The following TANC2 variants were observed in gnomAD, a reference collection of about 807,000 sequenced individuals.
TANC2 encodes protein TANC2.
TANC2 carries 26 observed loss-of-function variants against 210.5 expected under a neutral mutation model. That is an observed-to-expected ratio of 0.12 (90% CI 0.09 to 0.17). The LOEUF is 0.17. TANC2 is among the 10% of genes least tolerant of loss of function. The pLI is 1.00. For missense variants in TANC2, 2,129 were observed against 2,608.9 expected (o/e 0.82, Z 4.01); for synonymous variants, 931 against 967.1 (o/e 0.96, Z 0.69).
intron 1 of TANC2, among the ~76,000 whole-genome samples, chr17:62,987,892 TTTTG>T (rs968119841): frequency 3.4e-4 from 52 of 152,118 alleles, no homozygotes; most frequent in Non-Finnish European, 6.5e-4. Context: ...ACTGAGTTTT[TTTTG>T]TTTGTTTTGT....
intron 9 of TANC2, among the ~76,000 whole-genome samples, chr17:63,281,787 A>C (rs1178301850): frequency 1.3e-5 from 2 of 152,114 alleles, no homozygotes; most frequent in African/African-American, 4.8e-5. Flanking sequence ...GTATTTTTTA[A>C]AAAGAAGAGA....
chr17:63,112,247 T>C (rs555584045), intron 4 of TANC2, among the ~76,000 whole-genome samples: 59 of 152,176 alleles, frequency 3.9e-4, no homozygotes, highest in African/African-American at 1.3e-3. Flanking sequence ...AAGATAACAG[T>C]GTGGTAGCAC....
At chr17:62,972,273 G>A (rs1235920334) in intron 1 of TANC2, among the ~76,000 whole-genome samples, 5 of 151,984 alleles carry the variant, frequency 3.3e-5, no homozygotes, top group Non-Finnish European at 5.9e-5. Context: ...TGTTATGTTC[G>A]GTCTCTTGTT....
chr17:63,047,573 C>T (rs998192291), intron 2 of TANC2, among the ~76,000 whole-genome samples: 1 of 151,976 alleles, frequency 6.6e-6, no homozygotes, highest in Non-Finnish European at 1.5e-5. Flanking sequence ...TTTCATGTTT[C>T]GATACTTTGA....
intron 4 of TANC2, among the ~76,000 whole-genome samples, chr17:63,113,894 G>A (rs1262272024): frequency 6.6e-6 from 1 of 152,210 alleles, no homozygotes; most frequent in Non-Finnish European, 1.5e-5. Flanking sequence ...AGTGTTTTGA[G>A]TTATACCAGA....
intron 8 of TANC2, among the ~76,000 whole-genome samples, chr17:63,260,137 G>A (rs1215783961): frequency 6.6e-6 from 1 of 152,184 alleles, no homozygotes; most frequent in Admixed American, 6.5e-5. Context: ...TTTAAAGTGG[G>A]AAGGAAGGAG....
At chr17:63,077,958 T>G (rs1208082842) in intron 3 of TANC2, among the ~76,000 whole-genome samples, 3 of 152,162 alleles carry the variant, frequency 2.0e-5, no homozygotes, top group Non-Finnish European at 4.4e-5. Flanking sequence ...AATATTGACT[T>G]TTCATTTTCT....
At chr17:63,379,489 G>A (rs1158004904) in intron 14 of TANC2, among the ~76,000 whole-genome samples, 1 of 152,116 alleles carries the variant, frequency 6.6e-6, no homozygotes, top group Non-Finnish European at 1.5e-5. Context: ...GGCCAACATG[G>A]CGAAACCCCA....
At chr17:63,191,352 A>C (rs1598572431) in intron 5 of TANC2, among the ~76,000 whole-genome samples, 2 of 147,324 alleles carry the variant, frequency 1.4e-5, no homozygotes. Flanking sequence ...AATGGCAAAA[A>C]CCTCAATTAC....
At chr17:63,009,691 G>A in intron 2 of TANC2, 65 bp downstream of exon 2, 2 of 1,369,038 alleles carry the variant, frequency 1.5e-6, no homozygotes, top group South Asian at 2.4e-5. Flanking sequence ...TTAGGGTCCT[G>A]AATTAATGCT....
chr17:63,396,032 G>A, intron 18 of TANC2, 104 bp downstream of exon 18: 1 of 1,064,730 alleles, frequency 9.4e-7, no homozygotes, highest in African/African-American at 1.6e-5. Flanking sequence ...CCAAATTAAT[G>A]TGAATTCGTG....
At chr17:62,984,022 A>C (rs977916581) in intron 1 of TANC2, among the ~76,000 whole-genome samples, 3 of 152,050 alleles carry the variant, frequency 2.0e-5, no homozygotes, top group Non-Finnish European at 2.9e-5. Context: ...CAATTTTTGG[A>C]ATAGTTTGAG....
At chr17:63,181,325 T>G (rs1334199720) in intron 5 of TANC2, among the ~76,000 whole-genome samples, 1 of 152,206 alleles carries the variant, frequency 6.6e-6, no homozygotes, top group Admixed American at 6.5e-5. Flanking sequence ...ACTAGCTCCC[T>G]GTAGGTTCAG....
chr17:63,356,596 A>G (rs1176952468), intron 14 of TANC2, among the ~76,000 whole-genome samples: 1 of 152,208 alleles, frequency 6.6e-6, no homozygotes, highest in Non-Finnish European at 1.5e-5. Flanking sequence ...TGATGAAGAT[A>G]TTAAGCCAGG....
At chr17:63,157,181 G>A (rs2039869375) in intron 5 of TANC2, among the ~76,000 whole-genome samples, 1 of 152,096 alleles carries the variant, frequency 6.6e-6, no homozygotes, top group African/African-American at 2.4e-5. Context: ...CTATGCTTTG[G>A]GAGAGGCAGA....
At chr17:63,216,739 G>T (rs2042037364) in intron 7 of TANC2, among the ~76,000 whole-genome samples, 1 of 152,162 alleles carries the variant, frequency 6.6e-6, no homozygotes, top group African/African-American at 2.4e-5. Flanking sequence ...TATCAGAAGT[G>T]TTGTGAGTAA....
chr17:63,179,299 A>G (rs923758061), intron 5 of TANC2, among the ~76,000 whole-genome samples: 5 of 152,176 alleles, frequency 3.3e-5, no homozygotes, highest in Non-Finnish European at 7.4e-5. Context: ...TCTTGGCAGG[A>G]TGATGAAATG....
At chr17:63,331,486 C>G (rs2045839908) in intron 11 of TANC2, among the ~76,000 whole-genome samples, 2 of 152,214 alleles carry the variant, frequency 1.3e-5, no homozygotes, top group African/African-American at 2.4e-5. Flanking sequence ...AACCACAAAT[C>G]TATTAGATTC....
chr17:63,306,348 T>C (rs2044905200), intron 9 of TANC2, among the ~76,000 whole-genome samples: 2 of 152,220 alleles, frequency 1.3e-5, no homozygotes, highest in South Asian at 2.1e-4. Context: ...CACCCTGATA[T>C]AATAACAAAA....
Sources: gnomAD v4.1 joint callset for allele counts (sites outside exome capture counted in the v4.1 genomes callset) on GRCh38, gnomAD v4.1.1 for gene constraint, MANE v1.5 for transcripts, NCBI Gene and HGNC (gene_info 2026-07-23, HGNC 2026-07-21) for gene names.